Variants in DSG2 observed in about 807,000 individuals in gnomAD.
DSG2 encodes the protein desmoglein 2, also known as desmoglein-2.
Under a neutral mutation model 75.6 loss-of-function variants are expected in DSG2, and 45 were observed. The observed-to-expected ratio is 0.60, with a 90% CI of 0.47 to 0.76. The LOEUF is 0.76. Ranked by LOEUF, DSG2 falls within the 30% of genes least tolerant of loss-of-function variation. The probability of loss-of-function intolerance (pLI) is 0.00; values close to 1 mark genes in which losing one functional copy is unlikely to be tolerated. For synonymous variants in DSG2, 429 were observed against 483.9 expected, an observed-to-expected ratio of 0.89 and a Z score of 1.49; for missense variants, 1,267 against 1,357.4, an observed-to-expected ratio of 0.93 and a Z score of 1.05.
At chr18:31,516,558 G>T (rs1306217586) in intron 1 of DSG2, among the ~76,000 whole-genome samples, 1 of 152,174 alleles carries the variant, frequency 6.6e-6, no homozygotes, top group Non-Finnish European at 1.5e-5. Context: ...GGATGAAAGG[G>T]TTGTTAACAG....
chr18:31,510,175 G>T lies in DSG2; in HGVS notation c.46-8064G>T, dbSNP rs552764572. ...GGCAAGTGCCACGTCCTCTGTGTTT[G>T]AGTTCTAAAGATAGTCCGTTGAGCA... is the stretch of plus-strand genomic sequence containing the variant. On this transcript the variant is annotated intron_variant, in intron 1 of 14. Coordinates refer to ENST00000261590, the MANE Select transcript of DSG2 (RefSeq NM_001943.5). 4.6e-5 allele frequency among the ~76,000 whole-genome samples: 7 copies of T among 152,338 alleles called. No individual in the cohort carries two copies. In the East Asian group the frequency reaches 1.3e-3, roughly 29 times the overall value.
chr18:31,501,148 T>G (rs1403678481), intron 1 of DSG2, among the ~76,000 whole-genome samples: 1 of 152,228 alleles, frequency 6.6e-6, no homozygotes, highest in Non-Finnish European at 1.5e-5. Flanking sequence ...AAAATGCTGA[T>G]AACTATTTCA....
At position 31,546,769 on chromosome 18, in the gene DSG2, A is replaced by G; in HGVS notation, c.*26A>G. The G allele has an allele frequency of 5.0e-6, 8 of 1,608,594 alleles. No homozygotes were observed. Among genetic ancestry groups the G allele is most frequent in the Non-Finnish European group, 6.0e-6 (7 of 1,175,026 alleles). On this transcript the variant is annotated 3_prime_UTR_variant, in exon 15 of 15. Coordinates refer to ENST00000261590, the MANE Select transcript of DSG2 (RefSeq NM_001943.5). ...ACAGCAGTCAGCCACAAACTGACCC[A>G]GAGTTTAATTAGCAGTGACTAATTT...
chr18:31,538,680 T>C (rs2073246816), intron 11 of DSG2, 71 bp from the exon 12 acceptor site: 2 of 1,197,026 alleles, frequency 1.7e-6, no homozygotes, highest in East Asian at 2.4e-5. Context: ...AAAGAACATT[T>C]GTGGAATTTA....
At chr18:31,540,817 G>T (rs2073262052) in intron 12 of DSG2, among the ~76,000 whole-genome samples, 1 of 152,016 alleles carries the variant, frequency 6.6e-6, no homozygotes, top group African/African-American at 2.4e-5. Context: ...GTTTTCAATA[G>T]TACATATATT....
At chr18:31,521,294 A>C (rs768978550) in intron 5 of DSG2, 51 bp downstream of exon 5, 2 of 1,512,914 alleles carry the variant, frequency 1.3e-6, no homozygotes, top group Non-Finnish European at 1.8e-6. Flanking sequence ...AGATTACTTT[A>C]TCCCCACTGT....
In DSG2 at chr18:31,534,032, T is replaced by TCAGG. The variant is rs751220988; in HGVS notation, c.1281-1236_1281-1233dup. ...TTGAGACTGAGTCTTGCTCTGTCAC[T>TCAGG]CAGGCTGGAGTGCAGTGGCACGATC... On this transcript the variant is annotated intron_variant, in intron 9 of 14. Transcript: ENST00000261590. Among the ~76,000 whole-genome samples the TCAGG allele has an allele frequency of 5.6e-5, 8 of 144,010 alleles. No individual in the cohort carries two copies. In the East Asian group the frequency reaches 1.7e-3, roughly 30 times the overall value. 94.5% of individuals were successfully genotyped at this position (144,010 alleles called of 152,430 possible).
chr18:31,520,914 G>A lies in DSG2; in HGVS notation c.328G>A (p.Glu110Lys). The change falls in exon 4 of 15, where the codon GAA becomes AAA. Residue 110 changes from glutamate to lysine, a missense_variant. Transcript: ENST00000261590. ...ATTTGTCTTTAACAAAGATACTGGA[G>A]AACTGAATGTTACCAGCATTCTTGA... ...GIFVFNKDTG[E>K]LNVTSILDRE... 6.2e-7 allele frequency: 1 copy of A among 1,613,834 alleles called. No homozygotes were observed. Among genetic ancestry groups the A allele is most frequent in the Non-Finnish European group, 8.5e-7 (1 of 1,179,878 alleles).
Position 31,542,023 on chromosome 18 carries a change from C to T in DSG2, c.2002-497C>T, listed in dbSNP as rs115224914. ...GCTGCCGTCCCCACATTCTAACCAGCACATGGGAGAAAAGTGAAGAACCCT... is the reference window on the plus strand; with the variant it reads ...GCTGCCGTCCCCACATTCTAACCAGTACATGGGAGAAAAGTGAAGAACCCT... On this transcript the variant is annotated intron_variant, in intron 13 of 14. Coordinates refer to ENST00000261590, the MANE Select transcript of DSG2 (RefSeq NM_001943.5). The T allele has an allele frequency of 2.1e-3, 422 of 205,026 alleles. 3 individuals are homozygous for T. Among genetic ancestry groups the T allele is most frequent in the African/African-American group, 8.9e-3 (380 of 42,858 alleles). 12.7% of individuals were successfully genotyped at this position (205,026 alleles called of 1,614,324 possible).
chr18:31,521,663 A>G lies in DSG2; in HGVS notation c.523+420A>G, dbSNP rs183356305. ...TTTTACTGTAATATTTATTCACAACATTGTTCAACACAGTGCTCTTCATGA... is the reference window on the plus strand; with the variant it reads ...TTTTACTGTAATATTTATTCACAACGTTGTTCAACACAGTGCTCTTCATGA... On this transcript the variant is annotated intron_variant, in intron 5 of 14. Coordinates refer to ENST00000261590, the MANE Select transcript of DSG2 (RefSeq NM_001943.5). 3.3e-3 allele frequency among the ~76,000 whole-genome samples: 497 copies of G among 152,300 alleles called. 4 individuals are homozygous for G. Among genetic ancestry groups the G allele is most frequent in the African/African-American group, 0.011 (477 of 41,578 alleles).
intron 1 of DSG2, among the ~76,000 whole-genome samples, chr18:31,506,768 A>G (rs1291423988): frequency 6.6e-6 from 1 of 152,258 alleles, no homozygotes; most frequent in East Asian, 1.9e-4. Context: ...TGTGGCCATT[A>G]CAGAAAACAC....
intron 1 of DSG2, among the ~76,000 whole-genome samples, chr18:31,500,122 A>C (rs2073006445): frequency 6.6e-6 from 1 of 152,276 alleles, no homozygotes; most frequent in East Asian, 1.9e-4. Context: ...TGGAAGGAAT[A>C]TAAATTGTAG....
intron 1 of DSG2, among the ~76,000 whole-genome samples, chr18:31,502,245 A>G (rs2144284569): frequency 6.6e-6 from 1 of 152,328 alleles, no homozygotes; most frequent in South Asian, 2.1e-4. Context: ...GTGTGAGTGT[A>G]GTGAGCCCTG....
Position 31,546,271 on chromosome 18 carries a change from T to A in DSG2, c.2885T>A (p.Ile962Asn). The change falls in exon 15 of 15, where the codon ATT becomes AAT. Residue 962 changes from isoleucine (I) to asparagine (N), a missense_variant. Transcript: ENST00000261590. ...ILGPSQPQSL[I>N]VTERVYAPAS... is the part of the protein sequence containing the mutation. Reference sequence around the variant, plus strand: ...GGTCCTAGCCAGCCACAGAGCCTTATTGTGACAGAGAGGGTGTATGCTCCA... The same window carrying A: ...GGTCCTAGCCAGCCACAGAGCCTTAATGTGACAGAGAGGGTGTATGCTCCA... 6.2e-7 allele frequency: 1 copy of A among 1,603,614 alleles called. No homozygotes were observed. The highest frequency in any genetic ancestry group is 8.5e-7 in the Non-Finnish European group (1 of 1,174,186).
rs372349945 is a variant in DSG2, at chr18:31,538,947, G to T, written c.1848G>T (p.Ala616=). 1.2e-6 allele frequency: 2 copies of T among 1,613,750 alleles called. No individual in the cohort carries two copies. The highest frequency in any genetic ancestry group is 1.7e-6 in the Non-Finnish European group (2 of 1,180,028). The change falls in exon 12 of 15, where the codon GCG becomes GCT. Residue 616 remains alanine (A), a synonymous_variant. Transcript: ENST00000261590. Reference sequence around the variant, plus strand: ...TGGGCCTGGGACCCGCAGCAATTGCGCTCATGATTTTGGCCTTTCTGCTCC... The same window carrying T: ...TGGGCCTGGGACCCGCAGCAATTGCTCTCATGATTTTGGCCTTTCTGCTCC... ...SYVGLGPAAI[A]LMILAFLLLL... is the part of the protein sequence containing the mutation.
chr18:31,541,401 T>G (rs2073267294), intron 13 of DSG2, 87 bp downstream of exon 13: 1 of 1,505,772 alleles, frequency 6.6e-7, no homozygotes. Flanking sequence ...TTTGGTTGAG[T>G]GAGTAAAGTG....
At chr18:31,501,919 G>A (rs1342771745) in intron 1 of DSG2, among the ~76,000 whole-genome samples, 1 of 152,122 alleles carries the variant, frequency 6.6e-6, no homozygotes, top group Non-Finnish European at 1.5e-5. Flanking sequence ...GTTATGCTTA[G>A]TGTTCTAATA....
In DSG2 at chr18:31,519,800, T is replaced by C. The variant is rs370099811; in HGVS notation, c.82-3T>C. 6 of 1,613,944 alleles carry C rather than the reference T, an allele frequency of 3.7e-6. No homozygotes were observed. The African/African-American group carries it at 4.0e-5, about 11-fold the overall frequency. Reference sequence around the variant, plus strand: ...AAATTTTGGCAATATTCTATTGTTATAGGTCTTAAGCACAAGAAATGAAAA... The same window carrying C: ...AAATTTTGGCAATATTCTATTGTTACAGGTCTTAAGCACAAGAAATGAAAA... On this transcript the variant is annotated splice_polypyrimidine_tract_variant and splice_region_variant and intron_variant, in intron 2 of 14. Coordinates refer to ENST00000261590, the MANE Select transcript of DSG2 (RefSeq NM_001943.5).
intron 14 of DSG2, 120 bp downstream of exon 14, chr18:31,542,972 T>A: frequency 1.0e-6 from 1 of 957,564 alleles, no homozygotes; most frequent in Non-Finnish European, 1.5e-6. Context: ...TTTTTTTTTT[T>A]TCTTTTTTCA....
Sources: allele counts gnomAD v4.1 joint callset (sites outside exome capture counted in the v4.1 genomes callset), GRCh38; gene constraint gnomAD v4.1.1; transcripts MANE v1.5; gene names NCBI Gene and HGNC (gene_info 2026-07-23, HGNC 2026-07-21).